HACD4: variants seen among roughly 807,000 people sequenced by gnomAD.
HACD4 encodes very-long-chain (3R)-3-hydroxyacyl-CoA dehydratase 4.
A neutral mutation model predicts 33.3 loss-of-function variants in HACD4; 35 were observed. The ratio of observed to expected loss-of-function variants is 1.05; its 90% CI spans 0.80 to 1.39. The LOEUF is 1.39. Among genes scored for constraint, HACD4 ranks in the 40% most tolerant of loss-of-function variants. HACD4 has a pLI of 0.00. For synonymous variants in HACD4, 118 were observed against 98.0 expected, an observed-to-expected ratio of 1.20 and a Z score of -1.21; for missense variants, 323 against 276.5, an observed-to-expected ratio of 1.17 and a Z score of -1.19.
intron 3 of HACD4, among the ~76,000 whole-genome samples, chr9:21,016,705 T>C (rs906486114): frequency 5.8e-5 from 8 of 139,080 alleles, no homozygotes; most frequent in African/African-American, 1.3e-4. Flanking sequence ...ATTGAAAACA[T>C]GTTTGGAGGT....
At chr9:21,030,662 T>C (rs1364205424) in intron 1 of HACD4, among the ~76,000 whole-genome samples, 1 of 152,204 alleles carries the variant, frequency 6.6e-6, no homozygotes, top group African/African-American at 2.4e-5. Flanking sequence ...CATTATGTGA[T>C]TGAGGTTAGT....
intron 2 of HACD4, among the ~76,000 whole-genome samples, chr9:21,028,837 G>T (rs549026568): frequency 6.6e-6 from 1 of 152,244 alleles, no homozygotes; most frequent in South Asian, 2.1e-4. Flanking sequence ...ACTTCTTAAA[G>T]GGACCAAATA....
intron 3 of HACD4, among the ~76,000 whole-genome samples, chr9:21,019,436 A>T (rs1451009680): frequency 6.6e-6 from 1 of 152,144 alleles, no homozygotes; most frequent in Non-Finnish European, 1.5e-5. Context: ...TGTAAAGATT[A>T]AATAAGTTAA....
At chr9:21,021,568 A>G (rs1431945198) in intron 3 of HACD4, among the ~76,000 whole-genome samples, 4 of 152,210 alleles carry the variant, frequency 2.6e-5, no homozygotes, top group Non-Finnish European at 5.9e-5. Context: ...ACTCACAAGC[A>G]TTCCTATATA....
chr9:21,008,400 A>C (rs1842325029), intron 5 of HACD4, among the ~76,000 whole-genome samples: 1 of 152,168 alleles, frequency 6.6e-6, no homozygotes, highest in East Asian at 1.9e-4. Flanking sequence ...AGAATTTACA[A>C]TGTTTCTTAA....
chr9:21,026,592 C>T lies in HACD4; in HGVS notation c.270+4G>A. 1 of 1,606,558 alleles carries T rather than the reference C, an allele frequency of 6.2e-7. No homozygotes were observed. Among genetic ancestry groups the T allele is most frequent in the East Asian group, 2.2e-5 (1 of 44,742 alleles). On this transcript the variant is annotated splice_donor_region_variant and intron_variant, in intron 3 of 6. Transcript: ENST00000495827. ...TTCTATAATAATATGTGATTCAAAC[C>T]TACCTGCAAAAACCTTGGGAGAAGA...
intron 5 of HACD4, 45 bp downstream of exon 5, chr9:21,011,544 A>G (rs762557668): frequency 8.6e-7 from 1 of 1,159,862 alleles, no homozygotes; most frequent in Admixed American, 1.8e-5. Flanking sequence ...TTATAACTAG[A>G]TGGCTTTTGT....
chr9:21,027,356 G>T (rs1818088725), intron 2 of HACD4, among the ~76,000 whole-genome samples: 1 of 152,120 alleles, frequency 6.6e-6, no homozygotes, highest in South Asian at 2.1e-4. Flanking sequence ...GAAATGGAAG[G>T]GAAACAAATG....
chr9:21,024,808 G>T (rs1453140060), intron 3 of HACD4, among the ~76,000 whole-genome samples: 4 of 152,076 alleles, frequency 2.6e-5, no homozygotes, highest in Admixed American at 2.6e-4. Context: ...AAGTAAAAAG[G>T]CCTTTAAAAA....
chr9:21,029,981 A>G (rs1425982522), intron 1 of HACD4, among the ~76,000 whole-genome samples: 2 of 152,194 alleles, frequency 1.3e-5, no homozygotes, highest in African/African-American at 4.8e-5. Flanking sequence ...ACACCATCAC[A>G]AAGTTTAAAA....
chr9:21,016,247 T>A (rs968846976), intron 3 of HACD4, among the ~76,000 whole-genome samples: 1 of 152,236 alleles, frequency 6.6e-6, no homozygotes, highest in Non-Finnish European at 1.5e-5. Flanking sequence ...ATATTTTATG[T>A]GAATCAGGAT....
chr9:21,013,106 C>A (rs559724643), intron 4 of HACD4, among the ~76,000 whole-genome samples: 1 of 151,018 alleles, frequency 6.6e-6, no homozygotes, highest in African/African-American at 2.4e-5. Context: ...TTGATGAAGT[C>A]CAATTTATCT....
chr9:21,002,361 C>A lies in HACD4; in HGVS notation c.*4676G>T, dbSNP rs1288496772. 6.6e-6 allele frequency: 1 copy of A among 152,042 alleles called. No homozygotes were observed. The highest frequency in any genetic ancestry group is 1.5e-5 in the Non-Finnish European group (1 of 67,952). 9.4% of individuals were successfully genotyped at this position (152,042 alleles called of 1,614,324 possible). A position where few individuals can be genotyped will look rare whatever the true frequency, so the allele number is the denominator to read the frequency against. On this transcript the variant is annotated 3_prime_UTR_variant, in exon 7 of 7. Transcript: ENST00000495827. The stretch of plus-strand genomic sequence containing the variant: ...AAATAGCAAAATGACAGGAGTAAGT[C>A]CCTCCTTATCAGTCATCCTCAAAAA...
intron 5 of HACD4, 119 bp downstream of exon 5, chr9:21,011,470 T>C (rs1256630603): frequency 1.4e-6 from 1 of 690,612 alleles, no homozygotes; most frequent in African/African-American, 1.8e-5. Context: ...CCAGTAAGGA[T>C]ACACTGAGTG....
chr9:21,016,912 T>C (rs1256957790), intron 3 of HACD4, among the ~76,000 whole-genome samples: 2 of 152,126 alleles, frequency 1.3e-5, no homozygotes, highest in Non-Finnish European at 2.9e-5. Flanking sequence ...CATTTTTGGC[T>C]TAGCCCCAAT....
At chr9:21,022,610 A>C (rs1215882114) in intron 3 of HACD4, among the ~76,000 whole-genome samples, 1 of 137,488 alleles carries the variant, frequency 7.3e-6, no homozygotes, top group Non-Finnish European at 1.6e-5. Context: ...CAACAGACAC[A>C]TGAAAAAATG....
intron 3 of HACD4, among the ~76,000 whole-genome samples, chr9:21,019,041 C>T (rs938677978): frequency 2.0e-5 from 3 of 152,094 alleles, no homozygotes; most frequent in Non-Finnish European, 4.4e-5. Flanking sequence ...CTGAACTTTT[C>T]TGAGAACTTC....
At chr9:21,013,433 G>A (rs1842485008) in intron 4 of HACD4, among the ~76,000 whole-genome samples, 1 of 152,136 alleles carries the variant, frequency 6.6e-6, no homozygotes, top group African/African-American at 2.4e-5. Context: ...GTTTTGAAAT[G>A]GGAAAGATTG....
At chr9:21,015,837 T>C in intron 4 of HACD4, 61 bp downstream of exon 4, 1 of 963,628 alleles carries the variant, frequency 1.0e-6, no homozygotes, top group South Asian at 1.3e-5. Flanking sequence ...TTACTGCTAG[T>C]ACTGGTTTCA....
Sources: gnomAD v4.1 joint callset for allele counts (sites outside exome capture counted in the v4.1 genomes callset) on GRCh38, gnomAD v4.1.1 for gene constraint, MANE v1.5 for transcripts, NCBI Gene and HGNC (gene_info 2026-07-23, HGNC 2026-07-21) for gene names.